Variants in FOXK1 observed in about 807,000 individuals in gnomAD.
FOXK1 encodes forkhead box protein K1.
FOXK1 carries 19 observed loss-of-function variants against 51.9 expected under a neutral mutation model. That is an observed-to-expected ratio of 0.37 (90% CI 0.26 to 0.54). The LOEUF (loss-of-function observed/expected upper bound fraction) is 0.54, where lower values mean the gene tolerates loss of function less well. FOXK1 is among the 20% of genes least tolerant of loss of function. FOXK1 has a pLI of 0.87. For missense variants in FOXK1, 870 were observed against 1,032.7 expected, an observed-to-expected ratio of 0.84 and a Z score of 2.16; for synonymous variants, 537 against 482.6, an observed-to-expected ratio of 1.11 and a Z score of -1.48.
Position 4,731,827 on chromosome 7 carries a change from C to G in FOXK1, c.561-9011C>G, listed in dbSNP as rs1780481764. Among the ~76,000 whole-genome samples the G allele has an allele frequency of 6.6e-6, 1 of 151,976 alleles. No homozygotes were observed. The highest frequency in any genetic ancestry group is 6.6e-5 in the Admixed American group (1 of 15,264). On this transcript the variant is annotated intron_variant, in intron 1 of 8. Coordinates refer to ENST00000328914, the MANE Select transcript of FOXK1 (RefSeq NM_001037165.2). This position sits in a 1 kb window ranked among gnomAD's most constrained non-coding sequence, Gnocchi z 5.3. The stretch of plus-strand genomic sequence containing the variant: ...CACCATCCTTATCCTGGGCTGTTTT[C>G]CTTTGTCCTTCCAGTCCTTGTCTAA...
At chr7:4,694,459 G>A (rs970093113) in intron 1 of FOXK1, among the ~76,000 whole-genome samples, 1 of 152,132 alleles carries the variant, frequency 6.6e-6, no homozygotes, top group Non-Finnish European at 1.5e-5. Context: ...TCTTCTGCCT[G>A]TTCTGAAAAA....
intron 1 of FOXK1, among the ~76,000 whole-genome samples, chr7:4,719,000 G>C (rs775108717): frequency 1.8e-4 from 28 of 152,022 alleles, no homozygotes; most frequent in Non-Finnish European, 3.1e-4. Flanking sequence ...GTAGAGACGG[G>C]GTTGCACCAT....
intron 2 of FOXK1, among the ~76,000 whole-genome samples, chr7:4,746,397 CTTTCA>C (rs1780702419): frequency 6.6e-6 from 1 of 152,082 alleles, no homozygotes; most frequent in South Asian, 2.1e-4. Context: ...TGATTCATCT[CTTTCA>C]AAGTTTCTGG....
chr7:4,724,314 AC>A (rs1780351854), intron 1 of FOXK1, among the ~76,000 whole-genome samples: 1 of 149,990 alleles, frequency 6.7e-6, no homozygotes. Flanking sequence ...TCCTGCCTCA[AC>A]CTCTCGGGTA....
At chr7:4,688,366 T>C (rs532089900) in intron 1 of FOXK1, among the ~76,000 whole-genome samples, 4 of 152,170 alleles carry the variant, frequency 2.6e-5, no homozygotes, top group Non-Finnish European at 5.9e-5. Context: ...TCTCTTACTG[T>C]CGGCATGGTT....
At chr7:4,700,252 A>G (rs901772137) in intron 1 of FOXK1, among the ~76,000 whole-genome samples, 9 of 152,234 alleles carry the variant, frequency 5.9e-5, no homozygotes, top group Non-Finnish European at 8.8e-5. Flanking sequence ...GTACATACCA[A>G]TATGCTTGGC....
rs1465064395 is a variant in FOXK1 at position 4,703,073 on chromosome 7, T to C, written c.560+20205T>C. 6.6e-6 allele frequency among the ~76,000 whole-genome samples: 1 copy of C among 152,132 alleles called. No homozygotes were observed. The highest frequency in any genetic ancestry group is 1.5e-5 in the Non-Finnish European group (1 of 68,016). ...TTGGGGACCGAGACCCCTGGTTGCTTGCACTGCTGGGTGAGAGTGCCTCTG... is the reference window on the plus strand; with the variant it reads ...TTGGGGACCGAGACCCCTGGTTGCTCGCACTGCTGGGTGAGAGTGCCTCTG... On this transcript the variant is annotated intron_variant, in intron 1 of 8. Transcript: ENST00000328914. This position sits in a 1 kb window ranked among gnomAD's most constrained non-coding sequence, Gnocchi z 5.6.
chr7:4,694,262 AT>A (rs2115031185), intron 1 of FOXK1, among the ~76,000 whole-genome samples: 1 of 151,636 alleles, frequency 6.6e-6, no homozygotes, highest in Non-Finnish European at 1.5e-5. Context: ...GTTTTATTTT[AT>A]TTTTTACTTT....
chr7:4,713,329 AGATTCCCGCTCACTGG>A (rs570210842), intron 1 of FOXK1, among the ~76,000 whole-genome samples: 2 of 145,854 alleles, frequency 1.4e-5, no homozygotes, highest in Non-Finnish European at 2.9e-5. Flanking sequence ...CCGCTCACTG[AGATTCCCGCTCACTGG>A]GATTCCCGCT....
intron 1 of FOXK1, among the ~76,000 whole-genome samples, chr7:4,688,373 G>T (rs1404704156): frequency 6.7e-6 from 1 of 150,292 alleles, no homozygotes; most frequent in African/African-American, 2.4e-5. Flanking sequence ...CTGTCGGCAT[G>T]GTTGTTTTTT....
rs1331547519 is a variant in FOXK1, at chr7:4,762,565, C to T, written c.*101C>T. 1.0e-5 allele frequency: 13 copies of T among 1,254,954 alleles called. No homozygotes were observed. The highest frequency in any genetic ancestry group is 7.7e-5 in the East Asian group (3 of 39,008). The allele number at this position is 1,254,954 out of a possible 1,614,324, so 77.7% of individuals were successfully genotyped here. On this transcript the variant is annotated 3_prime_UTR_variant, in exon 9 of 9. Coordinates refer to ENST00000328914, the MANE Select transcript of FOXK1 (RefSeq NM_001037165.2). The surrounding 1 kb of genome is among the most constrained non-coding windows in gnomAD (Gnocchi z 5.7). ...CACCCACAGACGGAGGAGAACAGCC[C>T]GCGGCGGCCTGTGGGCATCGGCGGC...
rs911882703 is a variant in FOXK1, at chr7:4,748,430, T to C, written c.747-6029T>C. 1.3e-5 allele frequency among the ~76,000 whole-genome samples: 2 copies of C among 152,334 alleles called. No homozygotes were observed. The highest frequency in any genetic ancestry group is 1.9e-4 in the East Asian group (1 of 5,172). On this transcript the variant is annotated intron_variant, in intron 2 of 8. Transcript: ENST00000328914. The surrounding 1 kb of genome is among the most constrained non-coding windows in gnomAD (Gnocchi z 4.9). The stretch of plus-strand genomic sequence containing the variant: ...AGAACTGTGTAGTGATTGTAGCGCT[T>C]AGCCATTTCCTTCCTTGTACTTTTG...
intron 1 of FOXK1, among the ~76,000 whole-genome samples, chr7:4,695,909 C>T (rs962586808): frequency 6.8e-6 from 1 of 146,954 alleles, no homozygotes; most frequent in Non-Finnish European, 1.5e-5. Context: ...GCACTCCAGT[C>T]TGGGCAACAA....
At position 4,755,556 on chromosome 7, in the gene FOXK1, TAGAG is replaced by T. The variant is rs1019353161; in HGVS notation, c.1050+177_1050+180del. 3.3e-5 allele frequency among the ~76,000 whole-genome samples: 5 copies of T among 152,026 alleles called. No homozygotes were observed. Among genetic ancestry groups the T allele is most frequent in the South Asian group, 2.1e-4 (1 of 4,828 alleles). On this transcript the variant is annotated intron_variant, in intron 4 of 8. Coordinates refer to ENST00000328914, the MANE Select transcript of FOXK1 (RefSeq NM_001037165.2). The surrounding 1 kb of genome is among the most constrained non-coding windows in gnomAD (Gnocchi z 6.6). ...AGGATCAAGACCAGCCTGTGCAACA[TAGAG>T]AGAACCTCTTTTCTACTAAAAATTA...
chr7:4,707,128 C>T lies in FOXK1; in HGVS notation c.560+24260C>T, dbSNP rs746794772. On this transcript the variant is annotated intron_variant, in intron 1 of 8. Coordinates refer to ENST00000328914, the MANE Select transcript of FOXK1 (RefSeq NM_001037165.2). This position sits in a 1 kb window ranked among gnomAD's most constrained non-coding sequence, Gnocchi z 4.1. ...TAGAGAAGCAGCGATGTCTCCCCTC[C>T]GGGTTTCCCATGATGTTACGTTGCC... Among the ~76,000 whole-genome samples, 5 of 152,230 alleles carry T rather than the reference C, an allele frequency of 3.3e-5. No individual in the cohort carries two copies. Among genetic ancestry groups the T allele is most frequent in the Non-Finnish European group, 5.9e-5 (4 of 68,040 alleles).
chr7:4,721,369 G>C (rs1780307166), intron 1 of FOXK1, among the ~76,000 whole-genome samples: 1 of 152,124 alleles, frequency 6.6e-6, no homozygotes, highest in Non-Finnish European at 1.5e-5. Flanking sequence ...TGACCTTGGT[G>C]AGAAGCGACC....
chr7:4,738,978 G>A (rs1020796370), intron 1 of FOXK1, among the ~76,000 whole-genome samples: 6 of 152,078 alleles, frequency 3.9e-5, no homozygotes, highest in African/African-American at 1.5e-4. Flanking sequence ...ACCCCCTGCC[G>A]ACAGCCAGGC....
In FOXK1 at chr7:4,683,458, A is replaced by C. The variant is rs867921107; in HGVS notation, c.560+590A>C. The stretch of plus-strand genomic sequence containing the variant: ...GGAGTCACCCCTGACCGCTAACCCC[A>C]CAAGCCTGGGCTCGCAGGGCCACTC... On this transcript the variant is annotated intron_variant, in intron 1 of 8. Transcript: ENST00000328914. The surrounding 1 kb of genome is among the most constrained non-coding windows in gnomAD (Gnocchi z 4.5). 6.1e-5 allele frequency among the ~76,000 whole-genome samples: 9 copies of C among 147,496 alleles called. No individual in the cohort carries two copies. The highest frequency in any genetic ancestry group is 1.2e-4 in the Non-Finnish European group (8 of 66,620).
chr7:4,759,066 GC>G lies in FOXK1; in HGVS notation c.1263del (p.Thr422HisfsTer5). 1 of 1,601,392 alleles carries G rather than the reference GC, an allele frequency of 6.2e-7. No individual in the cohort carries two copies. Reference sequence around the variant, plus strand: ...TGTCTTCCAGGAGCGCTCCAGCTTCGCCCACACACCCCGGGCTGATGTCCCC... The same window carrying G: ...TGTCTTCCAGGAGCGCTCCAGCTTCGCCACACACCCCGGGCTGATGTCCCC... The part of the protein sequence containing the change: ...PLSSRSAPAS[P>X]THPGLMSPRS... On this transcript the variant is annotated frameshift_variant, in exon 6 of 9. Transcript: ENST00000328914. LOFTEE classifies it high-confidence loss of function.
Sources: allele counts gnomAD v4.1 joint callset (sites outside exome capture counted in the v4.1 genomes callset), GRCh38; gene constraint gnomAD v4.1.1; non-coding constraint Gnocchi (gnomAD v3.1); transcripts MANE v1.5; gene names NCBI Gene and HGNC (gene_info 2026-07-23, HGNC 2026-07-21).